The following CNOT2 variants were observed in gnomAD, a reference collection of about 807,000 sequenced individuals.
CNOT2 encodes the protein CC chemokine receptor 4-negative regulator of transcription 2.
In CNOT2, 7 loss-of-function variants were observed where a neutral mutation model predicts 72.1. The ratio of observed to expected loss-of-function variants is 0.10; its 90% CI spans 0.06 to 0.18. The LOEUF is 0.18. Among genes scored for constraint, CNOT2 ranks in the 10% least tolerant of loss-of-function variants. The probability of loss-of-function intolerance (pLI) is 1.00; values close to 1 mark genes in which losing one functional copy is unlikely to be tolerated. For missense variants in CNOT2, 345 were observed against 660.3 expected (o/e 0.52, Z 5.23); for synonymous variants, 196 against 225.6 (o/e 0.87, Z 1.17).
intron 1 of CNOT2, among the ~76,000 whole-genome samples, chr12:70,276,641 T>C (rs1362504675): frequency 6.6e-6 from 1 of 152,024 alleles, no homozygotes; most frequent in East Asian, 1.9e-4. Context: ...TAACTTTCCT[T>C]ATGAATAACC....
Position 70,342,140 on chromosome 12 carries a change from A to G in CNOT2, c.1212A>G (p.Ala404=), listed in dbSNP as rs113483661. The G allele has an allele frequency of 1.2e-6, 2 of 1,611,358 alleles. No homozygotes were observed. Among genetic ancestry groups the G allele is most frequent in the African/African-American group, 2.7e-5 (2 of 74,852 alleles). Residue 404 remains alanine, a synonymous_variant, in exon 12 of 16, where the codon GCA becomes GCG. Transcript: ENST00000229195. ...ACCCCAAATTTGCGTCACCCTGGGCATCTTCACCTTGTCGACCTCAAGACA... is the reference window on the plus strand; with the variant it reads ...ACCCCAAATTTGCGTCACCCTGGGCGTCTTCACCTTGTCGACCTCAAGACA... ...NLYPKFASPW[A]SSPCRPQDID...
At chr12:70,297,394 A>T (rs1157960115) in intron 2 of CNOT2, among the ~76,000 whole-genome samples, 1 of 152,182 alleles carries the variant, frequency 6.6e-6, no homozygotes, top group East Asian at 1.9e-4. Flanking sequence ...GCAGTGAATG[A>T]GACAATTGAT....
chr12:70,312,700 A>G (rs973767939), intron 3 of CNOT2, among the ~76,000 whole-genome samples: 1 of 151,950 alleles, frequency 6.6e-6, no homozygotes, highest in Admixed American at 6.6e-5. Context: ...AAGCAATACA[A>G]ATATGTGTGT....
intron 2 of CNOT2, among the ~76,000 whole-genome samples, chr12:70,279,141 C>G (rs1207257341): frequency 1.3e-5 from 2 of 152,178 alleles, no homozygotes; most frequent in Non-Finnish European, 2.9e-5. Context: ...TTCATTCCCT[C>G]TAGGTTGTGA....
At chr12:70,302,228 T>C (rs1421659886) in intron 2 of CNOT2, among the ~76,000 whole-genome samples, 5 of 152,146 alleles carry the variant, frequency 3.3e-5, no homozygotes, top group Non-Finnish European at 5.9e-5. Context: ...AGTTCTGCTC[T>C]GATTTTAGTT....
At chr12:70,335,340 G>A in intron 7 of CNOT2, 98 bp from the exon 8 acceptor site, 1 of 861,654 alleles carries the variant, frequency 1.2e-6, no homozygotes, top group Non-Finnish European at 1.9e-6. Context: ...TATTTAGGAA[G>A]AAGGCGCAAT....
intron 1 of CNOT2, among the ~76,000 whole-genome samples, chr12:70,255,814 A>T (rs1958412281): frequency 6.6e-6 from 1 of 152,234 alleles, no homozygotes; most frequent in Non-Finnish European, 1.5e-5. Flanking sequence ...CAAATAATTT[A>T]AAATTGAGCA....
chr12:70,350,441 G>C (rs547929056), intron 15 of CNOT2, among the ~76,000 whole-genome samples: 1 of 152,216 alleles, frequency 6.6e-6, no homozygotes, highest in Admixed American at 6.5e-5. Context: ...CTGTATTTAA[G>C]ATAGTTTGCT....
chr12:70,351,779 C>T (rs938167092), intron 15 of CNOT2, among the ~76,000 whole-genome samples: 2 of 152,088 alleles, frequency 1.3e-5, no homozygotes, highest in African/African-American at 2.4e-5. Context: ...ATTTTCTTCA[C>T]GAATTCAGAT....
At chr12:70,253,976 C>T (rs1018247708) in intron 1 of CNOT2, among the ~76,000 whole-genome samples, 11 of 152,102 alleles carry the variant, frequency 7.2e-5, no homozygotes, top group African/African-American at 1.7e-4. Context: ...CAGTGGCTCA[C>T]GCCTGTAGTC....
rs767414377 is a variant in CNOT2 at position 70,335,532 on chromosome 12, A to G, written c.744A>G (p.Leu248=). ...RREGSGNPTP[L]INPLAGRAPY... Reference sequence around the variant, plus strand: ...AAGGAAGTGGTAACCCAACTCCATTAATAAACCCCTTGGCTGGAAGAGCTC... The same window carrying G: ...AAGGAAGTGGTAACCCAACTCCATTGATAAACCCCTTGGCTGGAAGAGCTC... Residue 248 remains leucine (L), a synonymous_variant, in exon 8 of 16, where the codon TTA becomes TTG. Coordinates refer to ENST00000229195, the MANE Select transcript of CNOT2 (RefSeq NM_014515.7). 3.1e-6 allele frequency: 5 copies of G among 1,610,408 alleles called. No homozygotes were observed. The Admixed American group carries it at 6.7e-5, about 22-fold the overall frequency.
chr12:70,314,214 A>G (rs139891845), intron 3 of CNOT2, among the ~76,000 whole-genome samples: 1 of 152,248 alleles, frequency 6.6e-6, no homozygotes, highest in African/African-American at 2.4e-5. Flanking sequence ...ACAAACTGCC[A>G]TGTAAAAGTC....
chr12:70,329,669 G>T, intron 5 of CNOT2, 99 bp downstream of exon 5: 3 of 838,184 alleles, frequency 3.6e-6, no homozygotes, highest in Non-Finnish European at 5.9e-6. Context: ...TGATTTTCTG[G>T]TTCAGTGCCT....
chr12:70,345,140 C>A (rs1285362218), intron 14 of CNOT2: 1 of 152,136 alleles, frequency 6.6e-6, no homozygotes, highest in African/African-American at 2.4e-5. Flanking sequence ...TATCAATAGA[C>A]AATTATGTTT....
chr12:70,304,102 G>A (rs137957464), intron 2 of CNOT2, among the ~76,000 whole-genome samples: 11,858 of 151,942 alleles, frequency 0.078, 582 homozygotes, highest in Admixed American at 0.15. Flanking sequence ...TTATCCATTC[G>A]TCTAATTTTT....
intron 6 of CNOT2, chr12:70,332,438 G>T (rs1880095895): frequency 5.5e-6 from 1 of 182,716 alleles, no homozygotes; most frequent in African/African-American, 2.3e-5. Context: ...TATTTTTGAG[G>T]TTAGGTAATT....
Position 70,354,621 on chromosome 12 carries a change from A to C in CNOT2, c.*706A>C, listed in dbSNP as rs1440479151. The C allele has an allele frequency of 6.6e-6, 1 of 152,658 alleles. No individual in the cohort carries two copies. The highest frequency in any genetic ancestry group is 1.5e-5 in the Non-Finnish European group (1 of 68,060). 9.5% of individuals were successfully genotyped at this position (152,658 alleles called of 1,614,324 possible). A position where few individuals can be genotyped will look rare whatever the true frequency, so the allele number is the denominator to read the frequency against. ...GTACATTTTTTTTAAATTTTTGGACATCACATGAATAAAGGTATGTATGTA... is the reference window on the plus strand; with the variant it reads ...GTACATTTTTTTTAAATTTTTGGACCTCACATGAATAAAGGTATGTATGTA... On this transcript the variant is annotated 3_prime_UTR_variant, in exon 16 of 16. Coordinates refer to ENST00000229195, the MANE Select transcript of CNOT2 (RefSeq NM_014515.7).
Position 70,334,356 on chromosome 12 carries a change from A to G in CNOT2, c.650-1082A>G, listed in dbSNP as rs549195576. Reference sequence around the variant, plus strand: ...TTTTGTAAACAGCCAGGTATAAATGATTTATCCTTTACCCTTGTAATTTGA... The same window carrying G: ...TTTTGTAAACAGCCAGGTATAAATGGTTTATCCTTTACCCTTGTAATTTGA... On this transcript the variant is annotated intron_variant, in intron 7 of 15. Transcript: ENST00000229195. The G allele has an allele frequency of 2.0e-5, 3 of 152,202 alleles. No homozygotes were observed. The South Asian group carries it at 6.2e-4, about 32-fold the overall frequency. 9.4% of individuals were successfully genotyped at this position (152,202 alleles called of 1,614,324 possible).
chr12:70,305,873 G>GTTTTTTTTTTTTTTTTTT (rs11412509), intron 2 of CNOT2, among the ~76,000 whole-genome samples: 1 of 60,072 alleles, frequency 1.7e-5, no homozygotes, highest in African/African-American at 6.5e-5. Context: ...TCTGAAGTTT[G>GTTTTTTTTTTTTTTTTTT]TTTTTTTTTT....
Sources: gnomAD v4.1 joint callset for allele counts (sites outside exome capture counted in the v4.1 genomes callset) on GRCh38, gnomAD v4.1.1 for gene constraint, MANE v1.5 for transcripts, NCBI Gene and HGNC (gene_info 2026-07-23, HGNC 2026-07-21) for gene names.